CCDC38: variants seen among roughly 807,000 people sequenced by gnomAD.
The protein encoded by CCDC38 is coiled-coil domain-containing protein 38.
A neutral mutation model predicts 72.8 loss-of-function variants in CCDC38; 69 were observed. That is an observed-to-expected ratio of 0.95 (90% CI 0.78 to 1.16). The LOEUF is 1.16. Ranked by LOEUF, CCDC38 falls within the 50% of genes most tolerant of loss-of-function variation. CCDC38 has a pLI of 0.00. For missense variants in CCDC38, 626 were observed against 638.9 expected, an observed-to-expected ratio of 0.98 and a Z score of 0.22; for synonymous variants, 201 against 213.2, an observed-to-expected ratio of 0.94 and a Z score of 0.50.
chr12:95,871,741 C>A (rs942538115), intron 14 of CCDC38, among the ~76,000 whole-genome samples: 1 of 151,582 alleles, frequency 6.6e-6, no homozygotes, highest in Non-Finnish European at 1.5e-5. Flanking sequence ...TTGTGTTGCT[C>A]AGACTTTCAA....
intron 13 of CCDC38, among the ~76,000 whole-genome samples, chr12:95,873,396 G>A (rs185357111): frequency 6.6e-6 from 1 of 152,280 alleles, no homozygotes; most frequent in African/African-American, 2.4e-5. Context: ...GCCTACCAAA[G>A]CCTTTTTAGA....
At chr12:95,899,971 G>A (rs1039408187) in intron 5 of CCDC38, among the ~76,000 whole-genome samples, 5 of 152,208 alleles carry the variant, frequency 3.3e-5, no homozygotes, top group African/African-American at 1.2e-4. Flanking sequence ...TCTCCCTGAT[G>A]TGGTGAGAAT....
intron 7 of CCDC38, among the ~76,000 whole-genome samples, chr12:95,897,424 C>T (rs780650183): frequency 6.6e-5 from 10 of 151,748 alleles, no homozygotes; most frequent in Admixed American, 4.6e-4. Flanking sequence ...GCTTGGCTAA[C>T]GTGGTGAAAC....
At chr12:95,906,484 G>C (rs903586597) in intron 4 of CCDC38, 33 bp from the exon 5 acceptor site, 5 of 1,430,310 alleles carry the variant, frequency 3.5e-6, no homozygotes, top group Non-Finnish European at 3.9e-6. Flanking sequence ...CTTAAGTTTA[G>C]TTCATCATCC....
chr12:95,893,849 A>G (rs1361435347), intron 8 of CCDC38, among the ~76,000 whole-genome samples: 3 of 151,948 alleles, frequency 2.0e-5, no homozygotes, highest in East Asian at 3.8e-4. Flanking sequence ...TAAAACATAA[A>G]TATGTTAATA....
intron 2 of CCDC38, 119 bp from the exon 3 acceptor site, chr12:95,919,095 A>G (rs1284007107): frequency 1.5e-6 from 1 of 651,486 alleles, no homozygotes; most frequent in Non-Finnish European, 2.7e-6. Flanking sequence ...CTGAGAAGGT[A>G]GTGTTAAAAG....
chr12:95,869,745 G>A lies in CCDC38; in HGVS notation c.1485-172C>T, dbSNP rs12231009. ...GCTTTTGAATATTCAGGTAAATCTC[G>A]ACAACAAATACTATTTTGAAATGGG... On this transcript the variant is annotated intron_variant, in intron 14 of 15. Coordinates refer to ENST00000344280, the MANE Select transcript of CCDC38 (RefSeq NM_182496.3). The A allele has an allele frequency of 3.7e-4, 201 of 538,630 alleles. 1 individual carries two copies. The highest frequency in any genetic ancestry group is 1.9e-3 in the Middle Eastern group (4 of 2,090). The allele number at this position is 538,630 out of a possible 1,614,324, so 33.4% of individuals were successfully genotyped here.
At position 95,879,860 on chromosome 12, in the gene CCDC38, A is replaced by C. The variant is rs1592757733; in HGVS notation, c.991-65T>G. ...TATGCTACCTATGCACATGTGACTTATCTAGAAAATACAGTGGGGTAAAGG... is the reference window on the plus strand; with the variant it reads ...TATGCTACCTATGCACATGTGACTTCTCTAGAAAATACAGTGGGGTAAAGG... On this transcript the variant is annotated intron_variant, in intron 11 of 15. Coordinates refer to ENST00000344280, the MANE Select transcript of CCDC38 (RefSeq NM_182496.3). The surrounding 1 kb of genome is among the most constrained non-coding windows in gnomAD (Gnocchi z 5.5). 8.0e-7 allele frequency: 1 copy of C among 1,242,938 alleles called. No homozygotes were observed. The highest frequency in any genetic ancestry group is 1.1e-6 in the Non-Finnish European group (1 of 887,358). The allele number at this position is 1,242,938 out of a possible 1,614,324, so 77.0% of individuals were successfully genotyped here.
At chr12:95,884,816 C>T (rs1041498512) in intron 10 of CCDC38, among the ~76,000 whole-genome samples, 3 of 152,198 alleles carry the variant, frequency 2.0e-5, no homozygotes, top group Non-Finnish European at 4.4e-5. Flanking sequence ...TAAGGGTCTA[C>T]CCTAATGACT....
intron 4 of CCDC38, among the ~76,000 whole-genome samples, chr12:95,912,188 G>T (rs1299966841): frequency 6.6e-6 from 1 of 152,100 alleles, no homozygotes; most frequent in Non-Finnish European, 1.5e-5. Flanking sequence ...CAGAAAGATG[G>T]GAATAATAGA....
At chr12:95,922,345 C>T (rs1226093822) in intron 2 of CCDC38, among the ~76,000 whole-genome samples, 1 of 152,168 alleles carries the variant, frequency 6.6e-6, no homozygotes, top group East Asian at 1.9e-4. Flanking sequence ...CATATATACT[C>T]ATAGCCTGGG....
At chr12:95,908,458 AGG>A (rs1335201494) in intron 4 of CCDC38, among the ~76,000 whole-genome samples, 7 of 28 alleles carry the variant, frequency 0.25, no homozygotes, top group Admixed American at 0.5. Flanking sequence ...GGAGAGGGAG[AGG>A]GAGAGGGAGA....
At chr12:95,900,639 A>G (rs1004720998) in intron 5 of CCDC38, among the ~76,000 whole-genome samples, 1 of 152,172 alleles carries the variant, frequency 6.6e-6, no homozygotes, top group African/African-American at 2.4e-5. Context: ...CATAATGGTT[A>G]CACCTGTGCA....
intron 2 of CCDC38, among the ~76,000 whole-genome samples, chr12:95,931,917 G>T (rs1335935504): frequency 1.3e-5 from 2 of 152,144 alleles, no homozygotes; most frequent in African/African-American, 4.8e-5. Context: ...AGGAAGAGAG[G>T]TACTGGCTGT....
chr12:95,871,387 T>C (rs1034448197), intron 14 of CCDC38, among the ~76,000 whole-genome samples: 21 of 152,192 alleles, frequency 1.4e-4, no homozygotes, highest in African/African-American at 5.1e-4. Flanking sequence ...ACGTAGGTTA[T>C]ATGCAAATAT....
intron 2 of CCDC38, among the ~76,000 whole-genome samples, chr12:95,928,660 C>T (rs2080300298): frequency 6.6e-6 from 1 of 152,196 alleles, no homozygotes; most frequent in Non-Finnish European, 1.5e-5. Flanking sequence ...TTTTCCCCAT[C>T]TTTGTGGTTG....
At chr12:95,897,610 CAAA>C (rs370408931) in intron 7 of CCDC38, among the ~76,000 whole-genome samples, 163 of 75,342 alleles carry the variant, frequency 2.2e-3, no homozygotes, top group African/African-American at 7.0e-3. Flanking sequence ...AACTCCCTCT[CAAA>C]AAAAAAAAAA....
At chr12:95,896,162 C>T (rs2079887300) in intron 7 of CCDC38, among the ~76,000 whole-genome samples, 1 of 151,622 alleles carries the variant, frequency 6.6e-6, no homozygotes, top group Non-Finnish European at 1.5e-5. Context: ...GGACACACTA[C>T]AGACATAGGC....
chr12:95,900,142 A>G (rs1359882727), intron 5 of CCDC38, among the ~76,000 whole-genome samples: 1 of 152,224 alleles, frequency 6.6e-6, no homozygotes, highest in Non-Finnish European at 1.5e-5. Flanking sequence ...AAGAGCCTCC[A>G]GTGCATCAGC....
Sources: gnomAD v4.1 joint callset for allele counts (sites outside exome capture counted in the v4.1 genomes callset) on GRCh38, gnomAD v4.1.1 for gene constraint, Gnocchi (gnomAD v3.1) non-coding constraint, MANE v1.5 for transcripts, NCBI Gene and HGNC (gene_info 2026-07-23, HGNC 2026-07-21) for gene names.